Variants in JAG1 observed in about 807,000 individuals in gnomAD.
JAG1 encodes protein jagged-1.
JAG1 carries 23 observed loss-of-function variants against 148.7 expected under a neutral mutation model. The ratio of observed to expected loss-of-function variants is 0.15; its 90% CI spans 0.11 to 0.22. JAG1 has a LOEUF of 0.22. JAG1 is among the 10% of genes least tolerant of loss of function. The pLI, the probability that JAG1 is intolerant of heterozygous loss-of-function variation, is 1.00. For synonymous variants in JAG1, 572 were observed against 598.3 expected (o/e 0.96, Z 0.64); for missense variants, 1,054 against 1,611.2 (o/e 0.65, Z 5.92).
intron 11 of JAG1, 169 bp from the exon 12 acceptor site, chr20:10,648,891 A>G: frequency 2.3e-6 from 2 of 880,404 alleles, no homozygotes; most frequent in Non-Finnish European, 1.8e-6. Flanking sequence ...CATGCCTTCA[A>G]AATGACTCCC....
chr20:10,660,470 C>T (rs762053232), intron 3 of JAG1, among the ~76,000 whole-genome samples: 7 of 152,210 alleles, frequency 4.6e-5, no homozygotes, highest in East Asian at 1.9e-4. Context: ...TAAAAGGGAT[C>T]GGTTAAACAC....
rs879921003 is a variant in JAG1, at chr20:10,648,675, G to A, written c.1443C>T (p.Gly481=). 1.7e-5 allele frequency: 27 copies of A among 1,614,022 alleles called. No homozygotes were observed. Among genetic ancestry groups the A allele is most frequent in the African/African-American group, 5.3e-5 (4 of 74,916 alleles). ...CATCGATGTCTCTCTCACAGTGATC[G>A]CCTGCATAGCCAGGTGGACAGATAC... The part of the protein sequence containing the change: ...YRCICPPGYA[G]DHCERDIDEC... Residue 481 remains glycine, a synonymous_variant, in exon 12 of 26, where the codon GGC becomes GGT. Transcript: ENST00000254958.
In JAG1 at chr20:10,641,648, C is replaced by T. The variant is rs368734792; in HGVS notation, c.2728G>A (p.Glu910Lys). Reference protein sequence around the residue: ...RPCLLHKGHSECPSGQSCIPI... With the variant: ...RPCLLHKGHSKCPSGQSCIPI... ...ATGCAGCTCTGCCCGCTGGGGCACTCGCTGTGCCCTTTGTGGAGCAGGCAA... is the reference window on the plus strand; with the variant it reads ...ATGCAGCTCTGCCCGCTGGGGCACTTGCTGTGCCCTTTGTGGAGCAGGCAA... Residue 910 changes from glutamate (E) to lysine (K), a missense_variant, in exon 23 of 26, where the codon GAG (glutamate) becomes AAG (lysine). Physicochemically the swap from Glu to Lys is moderately conservative, Grantham distance 56. Transcript: ENST00000254958. The T allele has an allele frequency of 6.2e-6, 10 of 1,613,804 alleles. No individual in the cohort carries two copies. The South Asian group carries it at 7.7e-5, about 12-fold the overall frequency.
chr20:10,663,694 G>A lies in JAG1; in HGVS notation c.439+269C>T, dbSNP rs532483362. 3.3e-5 allele frequency among the ~76,000 whole-genome samples: 5 copies of A among 152,308 alleles called. No homozygotes were observed. The East Asian group carries it at 9.6e-4, about 29-fold the overall frequency. On this transcript the variant is annotated intron_variant, in intron 3 of 25. Coordinates refer to ENST00000254958, the MANE Select transcript of JAG1 (RefSeq NM_000214.3). The stretch of plus-strand genomic sequence containing the variant: ...GGTTTTAAAGTTGTAAAACCATTAA[G>A]ATCTCTATCCCGAAGATAATCTAGG...
Position 10,645,684 on chromosome 20 carries a change from C to G in JAG1, c.2000-215G>C. The G allele has an allele frequency of 1.6e-6, 1 of 626,226 alleles. No homozygotes were observed. Among genetic ancestry groups the G allele is most frequent in the Middle Eastern group, 4.2e-4 (1 of 2,366 alleles). The allele number at this position is 626,226 out of a possible 1,614,324, so 38.8% of individuals were successfully genotyped here. A position where few individuals can be genotyped will look rare whatever the true frequency, so the allele number is the denominator to read the frequency against. On this transcript the variant is annotated intron_variant, in intron 15 of 25. Transcript: ENST00000254958. This position sits in a 1 kb window ranked among gnomAD's most constrained non-coding sequence, Gnocchi z 6.1. ...AAGTTAGGCAAGATGTGGGGTGGGC[C>G]TCTGGAAGTCCCATGGAAATGAAAG...
At chr20:10,652,969 C>G (rs2067356675) in intron 5 of JAG1, among the ~76,000 whole-genome samples, 1 of 152,158 alleles carries the variant, frequency 6.6e-6, no homozygotes, top group Admixed American at 6.5e-5. Context: ...GACAAGAGAG[C>G]TATGCCAAAG....
chr20:10,654,177 C>T (rs924904808), intron 5 of JAG1, among the ~76,000 whole-genome samples: 1 of 152,206 alleles, frequency 6.6e-6, no homozygotes, highest in Non-Finnish European at 1.5e-5. Flanking sequence ...TTCAGGATCA[C>T]TAGCCCTCTT....
intron 11 of JAG1, 66 bp downstream of exon 11, chr20:10,648,995 T>C (rs2067327515): frequency 7.8e-7 from 1 of 1,277,710 alleles, no homozygotes; most frequent in East Asian, 2.3e-5. Context: ...GCTCTCCTAG[T>C]GTCGCACAAA....
At chr20:10,668,186 C>T (rs891416913) in intron 2 of JAG1, among the ~76,000 whole-genome samples, 1 of 151,846 alleles carries the variant, frequency 6.6e-6, no homozygotes, top group East Asian at 1.9e-4. Flanking sequence ...ACACAGCCAC[C>T]CAGTGCCATG....
Position 10,672,750 on chromosome 20 carries a change from C to T in JAG1, c.338G>A (p.Arg113His). ...GGNTFNLKAS[R>H]GNDRNRIVLP... ...CACGATGCGGTTGCGGTCGTTGCCG[C>T]GGCTGGCCTTGAGGTTGAAGGTGTT... Residue 113 changes from arginine to histidine, a missense_variant, in exon 2 of 26, where the codon CGC becomes CAC. Arg to His is a conservative substitution (Grantham distance 29). This residue lies in a region of JAG1 where 151 missense variants were observed against 211.1 expected (regional missense o/e 0.72). Transcript: ENST00000254958. The T allele has an allele frequency of 6.2e-7, 1 of 1,613,060 alleles. No individual in the cohort carries two copies. The highest frequency in any genetic ancestry group is 8.5e-7 in the Non-Finnish European group (1 of 1,180,020).
In JAG1 at chr20:10,669,547, C is replaced by CAAAAAAAA. The variant is rs56122797; in HGVS notation, c.387+3146_387+3153dup. Reference sequence around the variant, plus strand: ...AAGAATCACGTTTCATTGGATTTTCCAAAAAAAAAAAAAAAAAAAAAAAAA... The same window carrying CAAAAAAAA: ...AAGAATCACGTTTCATTGGATTTTCCAAAAAAAAAAAAAAAAAAAAAAAAAAAAAAAAA... On this transcript the variant is annotated intron_variant, in intron 2 of 25. Transcript: ENST00000254958. 1.8e-3 allele frequency among the ~76,000 whole-genome samples: 80 copies of CAAAAAAAA among 44,196 alleles called. 25 individuals carry two copies. The highest frequency in any genetic ancestry group is 3.6e-3 in the African/African-American group (42 of 11,542). The allele number at this position is 44,196 out of a possible 152,430, so 29.0% of individuals were successfully genotyped here. A position where few individuals can be genotyped will look rare whatever the true frequency, so the allele number is the denominator to read the frequency against.
intron 14 of JAG1, 152 bp downstream of exon 14, chr20:10,646,787 T>C: frequency 2.5e-6 from 2 of 797,840 alleles, no homozygotes; most frequent in East Asian, 2.5e-5. Flanking sequence ...ATCGTGCCAC[T>C]GCACTCTAGC....
chr20:10,642,904 C>T (rs911084443), intron 20 of JAG1, among the ~76,000 whole-genome samples: 1 of 152,238 alleles, frequency 6.6e-6, no homozygotes, highest in Non-Finnish European at 1.5e-5. Context: ...TGGAAGGGGT[C>T]AGACAGTAAA....
rs1216885987 is a variant in JAG1, at chr20:10,637,687, C to A, written c.*1811G>T. 1 of 152,678 alleles carries A rather than the reference C, an allele frequency of 6.5e-6. No homozygotes were observed. The highest frequency in any genetic ancestry group is 2.4e-5 in the African/African-American group (1 of 41,462). The allele number at this position is 152,678 out of a possible 1,614,324, so 9.5% of individuals were successfully genotyped here. On this transcript the variant is annotated 3_prime_UTR_variant, in exon 26 of 26. Coordinates refer to ENST00000254958, the MANE Select transcript of JAG1 (RefSeq NM_000214.3). ...AACAATTCACCTCGACACTACAGGC[C>A]ATTAATCCAGTGGTGTTTATTCAAG...
Position 10,658,518 on chromosome 20 carries a change from T to C in JAG1, c.644A>G (p.Asn215Ser). The C allele has an allele frequency of 3.1e-6, 5 of 1,614,246 alleles. No individual in the cohort carries two copies. The highest frequency in any genetic ancestry group is 4.2e-6 in the Non-Finnish European group (5 of 1,180,044). The change falls in exon 4 of 26, where the codon AAT becomes AGT. Residue 215 changes from asparagine to serine, a missense_variant. Transcript: ENST00000254958. ...DFFGHYACDQ[N>S]GNKTCMEGWM... The stretch of plus-strand genomic sequence containing the variant: ...GCCTTCCATGCAAGTTTTGTTGCCA[T>C]TCTGGTCACAGGCATAGTGTCCAAA...
At position 10,637,848 on chromosome 20, in the gene JAG1, C is replaced by T. The variant is rs1025648822; in HGVS notation, c.*1650G>A. ...TTTGTGGTTGAAAAGCCTTTCAGTT[C>T]TTCCTCCATCCCTCTGTCAGGCAGA... On this transcript the variant is annotated 3_prime_UTR_variant, in exon 26 of 26. Transcript: ENST00000254958. 2.6e-5 allele frequency: 4 copies of T among 152,630 alleles called. No homozygotes were observed. The highest frequency in any genetic ancestry group is 9.6e-5 in the African/African-American group (4 of 41,454). The allele number at this position is 152,630 out of a possible 1,614,324, so 9.5% of individuals were successfully genotyped here. A position where few individuals can be genotyped will look rare whatever the true frequency, so the allele number is the denominator to read the frequency against.
intron 20 of JAG1, among the ~76,000 whole-genome samples, chr20:10,643,023 A>G (rs1268784739): frequency 6.6e-6 from 1 of 152,268 alleles, no homozygotes; most frequent in Non-Finnish European, 1.5e-5. Flanking sequence ...CTGTGTGCCA[A>G]GAAAACTGTA....
chr20:10,665,621 C>T (rs1186177317), intron 2 of JAG1, among the ~76,000 whole-genome samples: 3 of 152,136 alleles, frequency 2.0e-5, no homozygotes, highest in Non-Finnish European at 4.4e-5. Context: ...CAAAATGAGG[C>T]CAGATGTGTG....
intron 7 of JAG1, 62 bp from the exon 8 acceptor site, chr20:10,651,756 C>G (rs907562947): frequency 1.9e-5 from 20 of 1,040,856 alleles, no homozygotes; most frequent in Non-Finnish European, 3.0e-5. Flanking sequence ...CCCCACACCC[C>G]CCTCCAACCG....
Sources: gnomAD v4.1 joint callset for allele counts (sites outside exome capture counted in the v4.1 genomes callset) on GRCh38, gnomAD v4.1.1 for gene constraint, gnomAD v4.1.1 regional missense constraint, Gnocchi (gnomAD v3.1) non-coding constraint, MANE v1.5 for transcripts, NCBI Gene and HGNC (gene_info 2026-07-23, HGNC 2026-07-21) for gene names.